RNF150: variants seen among roughly 807,000 people sequenced by gnomAD.
RNF150 encodes ring finger protein 150.
A neutral mutation model predicts 39.3 loss-of-function variants in RNF150; 24 were observed. The observed-to-expected ratio is 0.61, with a 90% CI of 0.44 to 0.86. RNF150 has a LOEUF of 0.86. RNF150 is among the 40% of genes least tolerant of loss of function. The probability of loss-of-function intolerance (pLI) is 0.00; values close to 1 mark genes in which losing one functional copy is unlikely to be tolerated. For synonymous variants in RNF150, 255 were observed against 227.3 expected (o/e 1.12, Z -1.10); for missense variants, 502 against 587.8 (o/e 0.85, Z 1.51).
In RNF150 at chr4:140,908,664, G is replaced by A. The variant is rs1441860645; in HGVS notation, c.1198+2480C>T. Among the ~76,000 whole-genome samples the A allele has an allele frequency of 2.0e-5, 3 of 152,120 alleles. No homozygotes were observed. The East Asian group carries it at 5.8e-4, about 29-fold the overall frequency. On this transcript the variant is annotated intron_variant, in intron 6 of 6. Transcript: ENST00000515673. ...ATGGTCACTATGAACTAAACACTCT[G>A]AGTCTGTTTTATGCAAAAACAGTTT...
At chr4:141,042,141 A>G (rs1012913279) in intron 1 of RNF150, among the ~76,000 whole-genome samples, 13 of 152,066 alleles carry the variant, frequency 8.5e-5, no homozygotes, top group African/African-American at 3.1e-4. Flanking sequence ...CTTGTTTATA[A>G]TAAAGTGAGG....
chr4:141,061,995 A>C (rs1031537440), intron 1 of RNF150, among the ~76,000 whole-genome samples: 2 of 152,158 alleles, frequency 1.3e-5, no homozygotes, highest in Non-Finnish European at 2.9e-5. Context: ...AGACACAAAA[A>C]TTAAAGTAGA....
chr4:141,195,886 C>T (rs757494445), intron 1 of RNF150, among the ~76,000 whole-genome samples: 1 of 152,036 alleles, frequency 6.6e-6, no homozygotes, highest in African/African-American at 2.4e-5. Flanking sequence ...GTTATAGGCG[C>T]CTCATTAAAG....
Position 140,919,821 on chromosome 4 carries a change from A to G in RNF150, c.987+6156T>C, listed in dbSNP as rs1179784209. On this transcript the variant is annotated intron_variant, in intron 5 of 6. Transcript: ENST00000515673. Reference sequence around the variant, plus strand: ...GCTACGGTAATCAAAACAGCATGGTACTGGTACCAAAACAGAGATATAGAT... The same window carrying G: ...GCTACGGTAATCAAAACAGCATGGTGCTGGTACCAAAACAGAGATATAGAT... Among the ~76,000 whole-genome samples, 3 of 152,202 alleles carry G rather than the reference A, an allele frequency of 2.0e-5. No homozygotes were observed. In the East Asian group the frequency reaches 5.8e-4, roughly 29 times the overall value.
At chr4:141,181,173 C>A (rs1320562085) in intron 1 of RNF150, among the ~76,000 whole-genome samples, 2 of 152,140 alleles carry the variant, frequency 1.3e-5, no homozygotes, top group South Asian at 2.1e-4. Flanking sequence ...ACTTGTGGTA[C>A]TTGTGGTGAC....
chr4:141,033,714 C>G (rs1316042615), intron 1 of RNF150, among the ~76,000 whole-genome samples: 5 of 152,220 alleles, frequency 3.3e-5, no homozygotes, highest in Non-Finnish European at 7.3e-5. Flanking sequence ...ATGAAAACAA[C>G]ATTTATCTCC....
intron 1 of RNF150, among the ~76,000 whole-genome samples, chr4:140,969,513 T>G (rs1733375216): frequency 6.6e-6 from 1 of 152,150 alleles, no homozygotes; most frequent in African/African-American, 2.4e-5. Context: ...TGGTTTTGTC[T>G]CTAAAGAAAC....
intron 1 of RNF150, among the ~76,000 whole-genome samples, chr4:141,127,092 A>G (rs142751775): frequency 6.6e-6 from 1 of 152,104 alleles, no homozygotes; most frequent in Non-Finnish European, 1.5e-5. Context: ...CTGAAAGGGT[A>G]TACAGAGCTG....
intron 1 of RNF150, among the ~76,000 whole-genome samples, chr4:141,149,025 CTT>C (rs1727251240): frequency 6.6e-6 from 1 of 152,142 alleles, no homozygotes; most frequent in African/African-American, 2.4e-5. Context: ...GAAGGTTTAA[CTT>C]GAAGCTCACA....
At chr4:140,962,087 T>TA (rs1733055808) in intron 2 of RNF150, among the ~76,000 whole-genome samples, 1 of 151,218 alleles carries the variant, frequency 6.6e-6, no homozygotes, top group Non-Finnish European at 1.5e-5. Context: ...CTCTACTCTC[T>TA]CTCTCTCTAC....
At chr4:140,893,719 G>A (rs908167431) in intron 6 of RNF150, among the ~76,000 whole-genome samples, 1 of 152,166 alleles carries the variant, frequency 6.6e-6, no homozygotes, top group Non-Finnish European at 1.5e-5. Context: ...GTTCTGGCGG[G>A]GGCTTGTGAA....
At chr4:140,978,434 C>T (rs569527750) in intron 1 of RNF150, among the ~76,000 whole-genome samples, 1 of 152,256 alleles carries the variant, frequency 6.6e-6, no homozygotes, top group African/African-American at 2.4e-5. Flanking sequence ...GATGTCAATT[C>T]CTCAGCTATA....
At chr4:140,981,459 C>T (rs928639263) in intron 1 of RNF150, among the ~76,000 whole-genome samples, 1 of 152,142 alleles carries the variant, frequency 6.6e-6, no homozygotes, top group Admixed American at 6.5e-5. Flanking sequence ...ATCTAGGCCA[C>T]TCACTTGGAC....
intron 4 of RNF150, among the ~76,000 whole-genome samples, chr4:140,935,063 TA>T (rs1731806323): frequency 2.5e-4 from 16 of 63,424 alleles, no homozygotes; most frequent in African/African-American, 9.7e-4. Flanking sequence ...ATATTATATA[TA>T]TATAATATAT....
chr4:140,870,586 A>G (rs1728894134), intron 6 of RNF150, among the ~76,000 whole-genome samples: 1 of 151,566 alleles, frequency 6.6e-6, no homozygotes, highest in Admixed American at 6.6e-5. Flanking sequence ...CCCTTTCCCC[A>G]TGCCTGATTT....
chr4:140,872,019 G>A (rs1489271455), intron 6 of RNF150, among the ~76,000 whole-genome samples: 2 of 152,108 alleles, frequency 1.3e-5, no homozygotes, highest in Non-Finnish European at 2.9e-5. Context: ...TTAAAAACTT[G>A]TTTTTAAAAT....
chr4:140,938,363 A>G (rs745609132), intron 4 of RNF150, among the ~76,000 whole-genome samples: 4 of 152,102 alleles, frequency 2.6e-5, no homozygotes, highest in African/African-American at 4.8e-5. Context: ...AGAGTGAGTG[A>G]GAGGCTGCCC....
intron 6 of RNF150, among the ~76,000 whole-genome samples, chr4:140,872,352 C>T (rs1728980669): frequency 6.6e-6 from 1 of 152,136 alleles, no homozygotes; most frequent in Admixed American, 6.5e-5. Context: ...TATTTTTATT[C>T]CAGTTTATAG....
At chr4:140,948,759 T>C (rs986474096) in intron 3 of RNF150, among the ~76,000 whole-genome samples, 17 of 152,192 alleles carry the variant, frequency 1.1e-4, no homozygotes, top group African/African-American at 3.9e-4. Flanking sequence ...TTCTGAATAC[T>C]GGATTTCAGA....
Sources: allele counts gnomAD v4.1 joint callset (sites outside exome capture counted in the v4.1 genomes callset), GRCh38; gene constraint gnomAD v4.1.1; transcripts MANE v1.5; gene names NCBI Gene and HGNC (gene_info 2026-07-23, HGNC 2026-07-21).